Variants in CCDC178 observed in about 807,000 individuals in gnomAD.
CCDC178 encodes coiled-coil domain containing 178, also known as coiled-coil domain-containing protein 178.
A neutral mutation model predicts 117.4 loss-of-function variants in CCDC178; 126 were observed. The observed-to-expected ratio is 1.07, with a 90% CI of 0.93 to 1.24. The LOEUF is 1.24. Among genes scored for constraint, CCDC178 ranks in the 50% most tolerant of loss-of-function variants. CCDC178 has a pLI of 0.00. For missense variants in CCDC178, 1,030 were observed against 986.9 expected (o/e 1.04, Z -0.59); for synonymous variants, 283 against 313.4 (o/e 0.90, Z 1.02).
At chr18:33,239,131 A>T (rs1405551583) in intron 15 of CCDC178, among the ~76,000 whole-genome samples, 3 of 152,118 alleles carry the variant, frequency 2.0e-5, no homozygotes, top group Non-Finnish European at 4.4e-5. Flanking sequence ...TAGGTTTCAC[A>T]TCTGGTGGTG....
intron 20 of CCDC178, among the ~76,000 whole-genome samples, chr18:33,198,472 C>T (rs2058958393): frequency 2.0e-5 from 3 of 152,094 alleles, no homozygotes; most frequent in African/African-American, 7.2e-5. Context: ...GAAAGCAGGA[C>T]AAGGTGACCT....
intron 20 of CCDC178, among the ~76,000 whole-genome samples, chr18:33,188,364 A>C (rs1450462798): frequency 6.6e-6 from 1 of 152,196 alleles, no homozygotes; most frequent in Non-Finnish European, 1.5e-5. Flanking sequence ...AAAAGACTTA[A>C]CAAATGAAAT....
chr18:33,139,511 CTTG>C (rs745506180), intron 20 of CCDC178, among the ~76,000 whole-genome samples: 3 of 152,112 alleles, frequency 2.0e-5, no homozygotes, highest in Non-Finnish European at 2.9e-5. Flanking sequence ...AGATGAGGAA[CTTG>C]TTGGGAACTG....
intron 6 of CCDC178, among the ~76,000 whole-genome samples, chr18:33,359,444 A>G (rs2063098212): frequency 6.6e-6 from 1 of 151,688 alleles, no homozygotes; most frequent in African/African-American, 2.4e-5. Context: ...GGTACCTAGC[A>G]TTTAAATACT....
chr18:33,227,575 TATATAC>T (rs1177741375), intron 15 of CCDC178, among the ~76,000 whole-genome samples: 3 of 144,194 alleles, frequency 2.1e-5, no homozygotes, highest in Admixed American at 7.0e-5. Flanking sequence ...TATATATATA[TATATAC>T]ACACACACAC....
At chr18:33,228,504 GA>G (rs1840506924) in intron 15 of CCDC178, among the ~76,000 whole-genome samples, 1 of 152,192 alleles carries the variant, frequency 6.6e-6, no homozygotes. Flanking sequence ...GCAAGAATAA[GA>G]CACTTGTATT....
At chr18:32,949,477 T>C (rs1300822403) in intron 22 of CCDC178, among the ~76,000 whole-genome samples, 2 of 152,156 alleles carry the variant, frequency 1.3e-5, no homozygotes, top group East Asian at 3.8e-4. Flanking sequence ...TGCTATGTCT[T>C]CAAATTCACC....
At position 33,323,590 on chromosome 18, in the gene CCDC178, G is replaced by C; in HGVS notation, c.923C>G (p.Ala308Gly). The C allele has an allele frequency of 6.4e-7, 1 of 1,558,518 alleles. No homozygotes were observed. Among genetic ancestry groups the C allele is most frequent in the Non-Finnish European group, 8.7e-7 (1 of 1,152,286 alleles). The change falls in exon 11 of 23, where the codon GCT becomes GGT. Residue 308 changes from alanine (A) to glycine (G), a missense_variant. By Grantham distance (60) the Ala-to-Gly change is moderately conservative. Coordinates refer to ENST00000383096, the MANE Select transcript of CCDC178 (RefSeq NM_001105528.4). ...TCTGGCATTTTCACAGGCTTCTAAA[G>C]CTTCTTCAAGTTCTTCATTAACTTT... The part of the protein sequence containing the change: ...HRKVNEELEE[A>G]LEACENARLK...
intron 21 of CCDC178, among the ~76,000 whole-genome samples, chr18:33,033,917 C>A (rs2056392989): frequency 6.6e-6 from 1 of 150,806 alleles, no homozygotes; most frequent in Admixed American, 6.6e-5. Context: ...GAACCCAAGA[C>A]AATATCTGTG....
Position 33,215,698 on chromosome 18 carries a change from GA to G in CCDC178, c.1933-4del, listed in dbSNP as rs760813652. ...TTAAAAATTGCTGAGCGTTTACTCT[GA>G]AAAAAAATATACACAAGTGTTTATT... On this transcript the variant is annotated splice_polypyrimidine_tract_variant and splice_region_variant and intron_variant, in intron 18 of 22. Transcript: ENST00000383096. 6.1e-5 allele frequency: 92 copies of G among 1,500,220 alleles called. No homozygotes were observed. Among genetic ancestry groups the G allele is most frequent in the South Asian group, 1.9e-4 (14 of 75,440 alleles). 92.9% of individuals were successfully genotyped at this position (1,500,220 alleles called of 1,614,324 possible).
At chr18:33,237,905 C>A (rs2059444701) in intron 15 of CCDC178, among the ~76,000 whole-genome samples, 1 of 152,174 alleles carries the variant, frequency 6.6e-6, no homozygotes, top group South Asian at 2.1e-4. Context: ...GTGAGCCAGA[C>A]CCTAAGTTAG....
At chr18:33,252,788 C>T (rs1447258625) in intron 14 of CCDC178, among the ~76,000 whole-genome samples, 2 of 151,626 alleles carry the variant, frequency 1.3e-5, no homozygotes, top group East Asian at 3.9e-4. Flanking sequence ...TGCTCATTTC[C>T]CTCAATTACC....
intron 21 of CCDC178, among the ~76,000 whole-genome samples, chr18:33,078,920 G>C (rs2057253640): frequency 6.6e-6 from 1 of 151,964 alleles, no homozygotes; most frequent in African/African-American, 2.4e-5. Flanking sequence ...ACAGAACCAG[G>C]AAAAACTATT....
chr18:33,394,192 T>TA (rs2063600669), intron 4 of CCDC178, among the ~76,000 whole-genome samples: 1 of 151,996 alleles, frequency 6.6e-6, no homozygotes, highest in Non-Finnish European at 1.5e-5. Flanking sequence ...AAATTTACCA[T>TA]AATTTATTGA....
chr18:33,249,854 T>C (rs1206456105), intron 14 of CCDC178, among the ~76,000 whole-genome samples: 1 of 152,064 alleles, frequency 6.6e-6, no homozygotes, highest in Non-Finnish European at 1.5e-5. Context: ...TAAATTACCT[T>C]GGGCAGTATG....
intron 22 of CCDC178, among the ~76,000 whole-genome samples, chr18:32,952,026 C>T (rs529747704): frequency 6.0e-5 from 9 of 149,764 alleles, no homozygotes; most frequent in African/African-American, 2.0e-4. Flanking sequence ...CTCCCACAGC[C>T]TTGGGCAGCT....
At chr18:33,220,025 T>A (rs566850590) in intron 18 of CCDC178, among the ~76,000 whole-genome samples, 1 of 152,164 alleles carries the variant, frequency 6.6e-6, no homozygotes, top group South Asian at 2.1e-4. Context: ...GGGGAAATAT[T>A]TCTAATTTGG....
At chr18:33,373,099 C>A (rs748734333) in intron 5 of CCDC178, among the ~76,000 whole-genome samples, 4 of 152,132 alleles carry the variant, frequency 2.6e-5, no homozygotes, top group Non-Finnish European at 1.5e-5. Context: ...CATCTTTAAT[C>A]TTTTATGGAA....
chr18:33,429,555 T>TGTGAATGTG (rs2144962923), intron 2 of CCDC178, among the ~76,000 whole-genome samples: 1 of 152,348 alleles, frequency 6.6e-6, no homozygotes, highest in South Asian at 2.1e-4. Context: ...ATATTTATGT[T>TGTGAATGTG]GTGAATGTGA....
Sources: allele counts gnomAD v4.1 joint callset (sites outside exome capture counted in the v4.1 genomes callset), GRCh38; gene constraint gnomAD v4.1.1; transcripts MANE v1.5; gene names NCBI Gene and HGNC (gene_info 2026-07-23, HGNC 2026-07-21).